Variants in RPL23 observed in about 807,000 individuals in gnomAD.
The protein encoded by RPL23 is large ribosomal subunit protein uL14.
For synonymous variants in RPL23, 63 were observed against 65.3 expected (o/e 0.97, Z 0.17); for missense variants, 79 against 178.8 (o/e 0.44, Z 3.18).
At position 38,852,712 on chromosome 17, in the gene RPL23, T is replaced by C; in HGVS notation, c.118A>G (p.Ile40Val). 2 of 1,614,166 alleles carry C rather than the reference T, an allele frequency of 1.2e-6. No homozygotes were observed. The highest frequency in any genetic ancestry group is 1.1e-5 in the South Asian group (1 of 91,086). Reference protein sequence around the residue: ...DNTGAKNLYIISVKGIKGRLN... With the variant: ...DNTGAKNLYIVSVKGIKGRLN... ...CGTCCCTTGATCCCCTTCACGGAGATGATATACAGGTTTTTGGCTCCTACA... is the reference window on the plus strand; with the variant it reads ...CGTCCCTTGATCCCCTTCACGGAGACGATATACAGGTTTTTGGCTCCTACA... Residue 40 changes from isoleucine to valine, a missense_variant, in exon 3 of 5, where the codon ATC (isoleucine) becomes GTC (valine). Transcript: ENST00000479035.
intron 3 of RPL23, chr17:38,851,875 G>C (rs1001985685): frequency 6.6e-6 from 1 of 152,244 alleles, no homozygotes; most frequent in African/African-American, 2.4e-5. Flanking sequence ...CTTTAGAAGA[G>C]CAAGACATCC....
At chr17:38,852,888 AACAAC>A (rs1457030624) in intron 2 of RPL23, 129 bp downstream of exon 2, 1 of 1,365,964 alleles carries the variant, frequency 7.3e-7, no homozygotes, top group Non-Finnish European at 1.0e-6. Context: ...GATTGAAGCA[AACAAC>A]ACATGTTGCC....
At chr17:38,852,557 T>TC (rs1567687048) in intron 3 of RPL23, 47 bp downstream of exon 3, 4 of 1,592,782 alleles carry the variant, frequency 2.5e-6, no homozygotes, top group Admixed American at 1.8e-5. Flanking sequence ...AAGGAAAGCG[T>TC]CCCCCCACTA....
At position 38,850,158 on chromosome 17, in the gene RPL23, C is replaced by T; in HGVS notation, c.397G>A (p.Ala133Thr). 6.2e-7 allele frequency: 1 copy of T among 1,605,462 alleles called. No homozygotes were observed. Among genetic ancestry groups the T allele is most frequent in the Non-Finnish European group, 8.5e-7 (1 of 1,177,344 alleles). The change falls in exon 5 of 5, where the codon GCA becomes ACA. Residue 133 changes from alanine (A) to threonine (T), a missense_variant. Ala to Thr is a moderately conservative substitution (Grantham distance 58). Coordinates refer to ENST00000479035, the MANE Select transcript of RPL23 (RefSeq NM_000978.4). ...KECADLWPRI[A>T]SNAGSIA ...CATGCAATGCTGCCAGCATTGGATGCAATCCGGGGCCACAAGTCTGCACAC... is the reference window on the plus strand; with the variant it reads ...CATGCAATGCTGCCAGCATTGGATGTAATCCGGGGCCACAAGTCTGCACAC...
intron 3 of RPL23, chr17:38,852,070 CA>C (rs1913017321): frequency 6.6e-6 from 1 of 152,286 alleles, no homozygotes; most frequent in South Asian, 2.1e-4. Context: ...AAGTAATGAG[CA>C]ATTAGCCGGG....
rs1335515055 is a variant in RPL23, at chr17:38,852,697, T to C, written c.133A>G (p.Ile45Val). ...GGAAGTCTGTTCAGCCGTCCCTTGA[T>C]CCCCTTCACGGAGATGATATACAGG... is the stretch of plus-strand genomic sequence containing the variant. The part of the protein sequence containing the change: ...KNLYIISVKG[I>V]KGRLNRLPAA... Residue 45 changes from isoleucine to valine, a missense_variant, in exon 3 of 5, where the codon ATC becomes GTC. Coordinates refer to ENST00000479035, the MANE Select transcript of RPL23 (RefSeq NM_000978.4). 1.9e-6 allele frequency: 3 copies of C among 1,613,914 alleles called. No individual in the cohort carries two copies. The highest frequency in any genetic ancestry group is 2.5e-6 in the Non-Finnish European group (3 of 1,180,034).
At chr17:38,850,568 C>T (rs1177433852) in intron 3 of RPL23, 93 bp from the exon 4 acceptor site, 5 of 799,178 alleles carry the variant, frequency 6.3e-6, no homozygotes, top group South Asian at 4.4e-5. Flanking sequence ...GTACACTCAG[C>T]GTTTGAGACA....
chr17:38,852,532 A>G, intron 3 of RPL23, 72 bp downstream of exon 3: 1 of 1,573,420 alleles, frequency 6.4e-7, no homozygotes, highest in South Asian at 1.1e-5. Flanking sequence ...TTGAAAACTG[A>G]TCCATTTTCC....
At position 38,852,975 on chromosome 17, in the gene RPL23, T is replaced by C. The variant is rs182421097; in HGVS notation, c.97+47A>G. 7.9e-5 allele frequency: 123 copies of C among 1,550,270 alleles called. 1 individual carries two copies. The highest frequency in any genetic ancestry group is 1.4e-4 in the African/African-American group (10 of 73,700). On this transcript the variant is annotated intron_variant, in intron 2 of 4. Coordinates refer to ENST00000479035, the MANE Select transcript of RPL23 (RefSeq NM_000978.4). ...CAATAGGTCATTAGCCACAGGCCCA[T>C]TGAGTGCTTTTAAAAGGGGGAGTAT... is the stretch of plus-strand genomic sequence containing the variant.
Position 38,852,744 on chromosome 17 carries a change from T to G in RPL23, c.98-12A>C. On this transcript the variant is annotated splice_polypyrimidine_tract_variant and intron_variant, in intron 2 of 4. Transcript: ENST00000479035. ...CAGGTTTTTGGCTCCTACAAAAGAA[T>G]GTAAATAAAAATAAAAAATGTTGAG... 1 of 1,613,898 alleles carries G rather than the reference T, an allele frequency of 6.2e-7. No individual in the cohort carries two copies. The highest frequency in any genetic ancestry group is 8.5e-7 in the Non-Finnish European group (1 of 1,179,948).
rs1567685926 is a variant in RPL23 at position 38,849,207 on chromosome 17, CTGT to C, written c.*922_*924del. 2 of 152,194 alleles carry C rather than the reference CTGT, an allele frequency of 1.3e-5. No homozygotes were observed. Among genetic ancestry groups the C allele is most frequent in the Admixed American group, 6.6e-5 (1 of 15,264 alleles). The allele number at this position is 152,194 out of a possible 1,614,324, so 9.4% of individuals were successfully genotyped here. ...TGACAGTAAACCTACATGGCAATTA[CTGT>C]TGTTTTATAAATATTCAATTTACTC... On this transcript the variant is annotated 3_prime_UTR_variant, in exon 5 of 5. Transcript: ENST00000479035.
chr17:38,853,255 G>T, intron 1 of RPL23, 150 bp from the exon 2 acceptor site: 2 of 680,420 alleles, frequency 2.9e-6, no homozygotes, highest in Non-Finnish European at 5.3e-6. Context: ...TACTTATGCC[G>T]TCCCCATGTG....
intron 3 of RPL23, 183 bp downstream of exon 3, chr17:38,852,421 A>T: frequency 1.5e-6 from 1 of 673,162 alleles, no homozygotes; most frequent in African/African-American, 1.8e-5. Context: ...CAACTAAGGT[A>T]TGGAAGTGAC....
In RPL23 at chr17:38,853,687, C is replaced by G. The variant is rs1420711382; in HGVS notation, c.13+11G>C. 1 of 1,614,176 alleles carries G rather than the reference C, an allele frequency of 6.2e-7. No homozygotes were observed. Among genetic ancestry groups the G allele is most frequent in the South Asian group, 1.1e-5 (1 of 91,086 alleles). On this transcript the variant is annotated intron_variant, in intron 1 of 4. Transcript: ENST00000479035. ...CAGATGGTGGAGGATCCTCCAGAAA[C>G]AAAACCTCACCTCGCTTCGACATCT... is the stretch of plus-strand genomic sequence containing the variant.
Position 38,850,450 on chromosome 17 carries a change from T to C in RPL23, c.252A>G (p.Gln84=), listed in dbSNP as rs767913605. ...CATCTTTTCTACGGTATGACTTTCG[T>C]TGTCGAATGACCACTGCTGGATGTA... ...KKVHPAVVIR[Q]RKSYRRKDGV... The change falls in exon 4 of 5, where the codon CAA becomes CAG. Residue 84 remains glutamine (Q), a synonymous_variant. Transcript: ENST00000479035. 17 of 1,614,030 alleles carry C rather than the reference T, an allele frequency of 1.1e-5. No individual in the cohort carries two copies. Among genetic ancestry groups the C allele is most frequent in the Non-Finnish European group, 1.4e-5 (16 of 1,179,982 alleles).
At position 38,849,922 on chromosome 17, in the gene RPL23, C is replaced by G; in HGVS notation, c.*210G>C. ...ATCACTTGAGATCAGGAGTTTGAGT[C>G]GTTTGGCAAACATGGTGAAACCCTG... is the stretch of plus-strand genomic sequence containing the variant. On this transcript the variant is annotated 3_prime_UTR_variant, in exon 5 of 5. Coordinates refer to ENST00000479035, the MANE Select transcript of RPL23 (RefSeq NM_000978.4). 2 of 464,316 alleles carry G rather than the reference C, an allele frequency of 4.3e-6. No homozygotes were observed. The highest frequency in any genetic ancestry group is 7.6e-6 in the Non-Finnish European group (2 of 262,776). 28.8% of individuals were successfully genotyped at this position (464,316 alleles called of 1,614,324 possible). A position where few individuals can be genotyped will look rare whatever the true frequency, so the allele number is the denominator to read the frequency against.
In RPL23 at chr17:38,848,179, T is replaced by C. The variant is rs1031586041; in HGVS notation, c.*1953A>G. Reference sequence around the variant, plus strand: ...GCCTAGGGGCTTGTCACACTAAAGCTGACTTGAAATTGACCATACTCAGGG... The same window carrying C: ...GCCTAGGGGCTTGTCACACTAAAGCCGACTTGAAATTGACCATACTCAGGG... On this transcript the variant is annotated 3_prime_UTR_variant, in exon 5 of 5. Transcript: ENST00000479035. 1.8e-6 allele frequency: 2 copies of C among 1,124,472 alleles called. No homozygotes were observed. Among genetic ancestry groups the C allele is most frequent in the African/African-American group, 1.6e-5 (1 of 62,400 alleles). 69.7% of individuals were successfully genotyped at this position (1,124,472 alleles called of 1,614,324 possible). A position where few individuals can be genotyped will look rare whatever the true frequency, so the allele number is the denominator to read the frequency against.
At position 38,848,584 on chromosome 17, in the gene RPL23, G is replaced by C. The variant is rs1567685769; in HGVS notation, c.*1548C>G. 6.6e-6 allele frequency: 1 copy of C among 152,390 alleles called. No homozygotes were observed. 9.4% of individuals were successfully genotyped at this position (152,390 alleles called of 1,614,324 possible). On this transcript the variant is annotated 3_prime_UTR_variant, in exon 5 of 5. Transcript: ENST00000479035. ...CTGGTTCAGTCTAGACAGGGTACTG[G>C]TTCTCAGTCTTGGGTATACCTTGAC... is the stretch of plus-strand genomic sequence containing the variant.
Position 38,850,109 on chromosome 17 carries a change from T to A in RPL23, c.*23A>T, listed in dbSNP as rs767473891. The stretch of plus-strand genomic sequence containing the variant: ...TTAATGGGTTTAGTTTTTTTTTTTA[T>A]TTTTTACAAATATACTGGAGAATCA... On this transcript the variant is annotated 3_prime_UTR_variant, in exon 5 of 5. Coordinates refer to ENST00000479035, the MANE Select transcript of RPL23 (RefSeq NM_000978.4). The A allele has an allele frequency of 1.3e-6, 2 of 1,540,086 alleles. No homozygotes were observed. The highest frequency in any genetic ancestry group is 1.8e-6 in the Non-Finnish European group (2 of 1,139,350).
Sources: gnomAD v4.1 joint callset for allele counts on GRCh38, gnomAD v4.1.1 for gene constraint, MANE v1.5 for transcripts, NCBI Gene and HGNC (gene_info 2026-07-23, HGNC 2026-07-21) for gene names.